EIPR1: variants seen among roughly 807,000 people sequenced by gnomAD.
The protein encoded by EIPR1 is EARP complex and GARP complex interacting protein 1, also known as EARP and GARP complex-interacting protein 1.
A neutral mutation model predicts 48.1 loss-of-function variants in EIPR1; 25 were observed. That is an observed-to-expected ratio of 0.52 (90% confidence interval 0.38 to 0.73). EIPR1 has a LOEUF of 0.73. Among genes scored for constraint, EIPR1 ranks in the 30% least tolerant of loss-of-function variants. The pLI, the probability that EIPR1 is intolerant of heterozygous loss-of-function variation, is 0.00. For missense variants in EIPR1, 415 were observed against 506.2 expected (o/e 0.82, Z 1.73); for synonymous variants, 204 against 201.9 (o/e 1.01, Z -0.09).
chr2:3,372,907 G>C (rs1659727160), intron 1 of EIPR1, among the ~76,000 whole-genome samples: 1 of 151,976 alleles, frequency 6.6e-6, no homozygotes, highest in Non-Finnish European at 1.5e-5. Context: ...TGATACCAAA[G>C]CCGGGCAGAG....
chr2:3,191,744 C>T (rs1012506677), intron 8 of EIPR1, among the ~76,000 whole-genome samples: 1 of 152,200 alleles, frequency 6.6e-6, no homozygotes, highest in Admixed American at 6.5e-5. Context: ...GGCACTGCAC[C>T]GCTGACCAGA....
chr2:3,193,826 CACAA>C (rs1664695828), intron 7 of EIPR1, among the ~76,000 whole-genome samples, 169 bp downstream of exon 7: 2 of 152,186 alleles, frequency 1.3e-5, no homozygotes, highest in South Asian at 4.1e-4. Context: ...GTTTATAAAT[CACAA>C]ACATTCAGAT....
intron 5 of EIPR1, among the ~76,000 whole-genome samples, chr2:3,213,866 T>C (rs1325596757): frequency 2.0e-5 from 3 of 152,342 alleles, no homozygotes; most frequent in South Asian, 2.1e-4. Flanking sequence ...TTTTTTTCAT[T>C]ACACTTTAAG....
intron 4 of EIPR1, 71 bp from the exon 5 acceptor site, chr2:3,214,319 G>A: frequency 1.4e-6 from 2 of 1,386,052 alleles, no homozygotes; most frequent in Non-Finnish European, 1.0e-6. Flanking sequence ...TAAGAGCTGT[G>A]ATACATGTTC....
chr2:3,277,684 G>T (rs1667896939), intron 3 of EIPR1, among the ~76,000 whole-genome samples: 1 of 152,214 alleles, frequency 6.6e-6, no homozygotes, highest in Non-Finnish European at 1.5e-5. Context: ...GGAGCCCGGG[G>T]CATGAGTGGG....
intron 3 of EIPR1, among the ~76,000 whole-genome samples, chr2:3,261,200 G>C (rs1299118946): frequency 6.6e-6 from 1 of 152,088 alleles, no homozygotes; most frequent in Non-Finnish European, 1.5e-5. Flanking sequence ...AACTGGCAGA[G>C]GGCTGTGGAG....
At chr2:3,349,331 C>T (rs35988121) in intron 2 of EIPR1, among the ~76,000 whole-genome samples, 36,824 of 152,204 alleles carry the variant, frequency 0.24, 4,734 homozygotes, top group Non-Finnish European at 0.27. Context: ...GCTGCCTCCT[C>T]CAGCCACTCA....
chr2:3,337,509 G>A (rs113436720), intron 3 of EIPR1, among the ~76,000 whole-genome samples: 4,497 of 152,260 alleles, frequency 0.03, 226 homozygotes, highest in African/African-American at 0.1. Context: ...GCTCAGTTCA[G>A]CAACTCAGAC....
At chr2:3,202,064 A>G (rs2103117013) in intron 5 of EIPR1, among the ~76,000 whole-genome samples, 1 of 152,150 alleles carries the variant, frequency 6.6e-6, no homozygotes, top group Admixed American at 6.5e-5. Context: ...CAGCCTCCCG[A>G]GTAGCTGGGA....
At chr2:3,248,340 T>C (rs1438299273) in intron 4 of EIPR1, among the ~76,000 whole-genome samples, 1 of 152,150 alleles carries the variant, frequency 6.6e-6, no homozygotes, top group East Asian at 1.9e-4. Context: ...ACGCCTGTAA[T>C]CCTAGCACTT....
At chr2:3,298,616 G>A (rs1030512924) in intron 3 of EIPR1, among the ~76,000 whole-genome samples, 7 of 151,768 alleles carry the variant, frequency 4.6e-5, no homozygotes, top group East Asian at 3.9e-4. Flanking sequence ...AGCAAATTCC[G>A]GTGTCCTCCC....
chr2:3,266,688 G>A (rs1332205231), intron 3 of EIPR1, among the ~76,000 whole-genome samples: 1 of 152,348 alleles, frequency 6.6e-6, no homozygotes, highest in East Asian at 1.9e-4. Context: ...GGGGTGCTGA[G>A]AAGTGGAGGT....
intron 4 of EIPR1, among the ~76,000 whole-genome samples, chr2:3,239,276 T>C (rs1245677072): frequency 6.6e-6 from 1 of 152,040 alleles, no homozygotes; most frequent in Non-Finnish European, 1.5e-5. Flanking sequence ...TTAAAATATG[T>C]AGGAAAAGAA....
At chr2:3,199,074 C>CCCCCCCG (rs1664920171) in intron 5 of EIPR1, among the ~76,000 whole-genome samples, 1 of 76,744 alleles carries the variant, frequency 1.3e-5, no homozygotes, top group African/African-American at 4.1e-5. Flanking sequence ...CCCCCCCCGC[C>CCCCCCCG]CCGGGAATGC....
At chr2:3,269,370 A>ATCGCACTCAATCATCGCACTCAG (rs1667608061) in intron 3 of EIPR1, among the ~76,000 whole-genome samples, 3 of 26,102 alleles carry the variant, frequency 1.1e-4, no homozygotes, top group African/African-American at 3.2e-4. Context: ...ATCGCACTCA[A>ATCGCACTCAATCATCGCACTCAG]TCATCGCACT....
intron 5 of EIPR1, among the ~76,000 whole-genome samples, chr2:3,212,752 CCTGTTTTAT>C (rs1665501012): frequency 6.6e-6 from 1 of 152,132 alleles, no homozygotes; most frequent in East Asian, 1.9e-4. Flanking sequence ...TCATTCGTTT[CCTGTTTTAT>C]CTTAAAAGTT....
intron 3 of EIPR1, among the ~76,000 whole-genome samples, chr2:3,271,704 CA>C (rs2103246213): frequency 6.6e-6 from 1 of 152,254 alleles, no homozygotes; most frequent in African/African-American, 2.4e-5. Flanking sequence ...AGAGACTAGG[CA>C]GGGTACATTT....
At chr2:3,257,779 A>AT (rs1667207466) in intron 3 of EIPR1, among the ~76,000 whole-genome samples, 1 of 152,154 alleles carries the variant, frequency 6.6e-6, no homozygotes, top group African/African-American at 2.4e-5. Context: ...AGGGAGCAAA[A>AT]TGGGGGACTA....
intron 3 of EIPR1, among the ~76,000 whole-genome samples, chr2:3,292,137 G>A (rs986916046): frequency 6.6e-6 from 1 of 152,208 alleles, no homozygotes; most frequent in African/African-American, 2.4e-5. Context: ...ACTAACATCT[G>A]GGGCCCTGTT....
Sources: gnomAD v4.1 joint callset for allele counts (sites outside exome capture counted in the v4.1 genomes callset) on GRCh38, gnomAD v4.1.1 for gene constraint, MANE v1.5 for transcripts, NCBI Gene and HGNC (gene_info 2026-07-23, HGNC 2026-07-21) for gene names.